The following HERPUD2 variants were observed in gnomAD, a reference collection of about 807,000 sequenced individuals.
The protein encoded by HERPUD2 is HERPUD family member 2.
Under a neutral mutation model 49.9 loss-of-function variants are expected in HERPUD2, and 13 were observed. The ratio of observed to expected loss-of-function variants is 0.26; its 90% confidence interval spans 0.17 to 0.41. The LOEUF is 0.41. Among genes scored for constraint, HERPUD2 ranks in the 10% least tolerant of loss-of-function variants. The pLI is 1.00. For missense variants in HERPUD2, 449 were observed against 492.2 expected, an observed-to-expected ratio of 0.91 and a Z score of 0.83; for synonymous variants, 172 against 171.4, an observed-to-expected ratio of 1.00 and a Z score of -0.03.
At chr7:35,685,979 A>G (rs1786033287) in intron 2 of HERPUD2, among the ~76,000 whole-genome samples, 1 of 151,956 alleles carries the variant, frequency 6.6e-6, no homozygotes, top group African/African-American at 2.4e-5. Flanking sequence ...TAAATAAATA[A>G]ATAAATAAAT....
chr7:35,633,727 G>A lies in HERPUD2; in HGVS notation c.1184C>T (p.Ser395Leu). Residue 395 changes from serine (S) to leucine (L), a missense_variant, in exon 9 of 9, where the codon TCA (serine) becomes TTA (leucine). Ser to Leu is a moderately radical substitution (Grantham distance 145). Transcript: ENST00000311350. ...AWSFITTFFT[S>L]LIPEGPPQVA... is the part of the protein sequence containing the mutation. ...CTGGGGAGGCCCCTCTGGTATTAGT[G>A]AAGTAAAGAAGGTGGTGATGAAAGA... The A allele has an allele frequency of 6.2e-7, 1 of 1,613,890 alleles. No individual in the cohort carries two copies. The highest frequency in any genetic ancestry group is 8.5e-7 in the Non-Finnish European group (1 of 1,179,876).
At chr7:35,675,670 A>T (rs945591063) in intron 2 of HERPUD2, among the ~76,000 whole-genome samples, 3 of 152,232 alleles carry the variant, frequency 2.0e-5, no homozygotes, top group Non-Finnish European at 4.4e-5. Context: ...AGAACTCTCA[A>T]GTACCCAGCT....
rs943567294 is a variant in HERPUD2, at chr7:35,689,302, A to G, written c.147+4882T>C. 3.4e-4 allele frequency among the ~76,000 whole-genome samples: 51 copies of G among 152,198 alleles called. 2 individuals are homozygous for G. On this transcript the variant is annotated intron_variant, in intron 2 of 8. Transcript: ENST00000311350. ...TTCGATAGTACCCTTTGTTCAAAAG[A>G]GGTTTTAAAATCTTGAACTATATTC... is the stretch of plus-strand genomic sequence containing the variant.
At chr7:35,684,982 T>A (rs112595319) in intron 2 of HERPUD2, among the ~76,000 whole-genome samples, 12 of 152,282 alleles carry the variant, frequency 7.9e-5, no homozygotes, top group African/African-American at 2.9e-4. Context: ...TTCTCACACC[T>A]GTAATCCCAG....
intron 3 of HERPUD2, 44 bp from the exon 4 acceptor site, chr7:35,670,372 T>C: frequency 1.1e-6 from 1 of 929,470 alleles, no homozygotes; most frequent in Non-Finnish European, 1.6e-6. Context: ...TACTACAAAA[T>C]GTACAGTTCA....
intron 5 of HERPUD2, among the ~76,000 whole-genome samples, chr7:35,643,728 A>T (rs1165388717): frequency 6.6e-6 from 1 of 151,610 alleles, no homozygotes; most frequent in Non-Finnish European, 1.5e-5. Flanking sequence ...GAGTGAAGAA[A>T]ATGAAAATAA....
intron 2 of HERPUD2, among the ~76,000 whole-genome samples, chr7:35,692,225 T>G (rs1344099523): frequency 6.6e-6 from 1 of 152,202 alleles, no homozygotes; most frequent in Non-Finnish European, 1.5e-5. Context: ...TAGTGATCAG[T>G]GCTGCACAGG....
At chr7:35,660,719 G>A (rs1693454907) in intron 5 of HERPUD2, among the ~76,000 whole-genome samples, 2 of 152,164 alleles carry the variant, frequency 1.3e-5, no homozygotes, top group African/African-American at 4.8e-5. Flanking sequence ...ACTTGTTGAT[G>A]GGGTTGTTGG....
intron 2 of HERPUD2, among the ~76,000 whole-genome samples, chr7:35,688,321 T>G (rs894199477): frequency 6.6e-6 from 1 of 152,188 alleles, no homozygotes; most frequent in African/African-American, 2.4e-5. Context: ...CCTTATCTCC[T>G]TGCAGTAACA....
Position 35,638,381 on chromosome 7 carries a change from G to A in HERPUD2, c.586C>T (p.Gln196Ter). 1.2e-6 allele frequency: 2 copies of A among 1,613,568 alleles called. No homozygotes were observed. Among genetic ancestry groups the A allele is most frequent in the Non-Finnish European group, 1.7e-6 (2 of 1,179,568 alleles). ...ATATAATACTGATGAGCATACATCTGTTGCCACCATAGCATCTGCAGTGGG... is the reference window on the plus strand; with the variant it reads ...ATATAATACTGATGAGCATACATCTATTGCCACCATAGCATCTGCAGTGGG... ...FSPLQMLWWQ[Q>*]MYAHQYYMQY... The change falls in exon 6 of 9, where the codon CAG (glutamine) becomes TAG (stop). Residue 196 changes from glutamine (Q) to a stop codon, truncating the protein, a stop_gained. Coordinates refer to ENST00000311350, the MANE Select transcript of HERPUD2 (RefSeq NM_022373.5). LOFTEE classifies it high-confidence loss of function.
chr7:35,684,144 T>C (rs2116028711), intron 2 of HERPUD2, among the ~76,000 whole-genome samples: 1 of 152,274 alleles, frequency 6.6e-6, no homozygotes, highest in African/African-American at 2.4e-5. Context: ...CCCAGCACTT[T>C]GGGAGGCCGA....
chr7:35,651,485 T>C lies in HERPUD2; in HGVS notation c.495-13013A>G, dbSNP rs971638684. ...AATCAAACACTACTGACACTGTTCCTGACAAAATTCATACAGAGACTACAC... is the reference window on the plus strand; with the variant it reads ...AATCAAACACTACTGACACTGTTCCCGACAAAATTCATACAGAGACTACAC... On this transcript the variant is annotated intron_variant, in intron 5 of 8. Coordinates refer to ENST00000311350, the MANE Select transcript of HERPUD2 (RefSeq NM_022373.5). Among the ~76,000 whole-genome samples, 9 of 152,068 alleles carry C rather than the reference T, an allele frequency of 5.9e-5. No individual in the cohort carries two copies. In the Middle Eastern group the frequency reaches 0.01, roughly 172 times the overall value.
rs532287432 is a variant in HERPUD2, at chr7:35,667,602, T to A, written c.340-14A>T. The A allele has an allele frequency of 1.3e-6, 2 of 1,583,552 alleles. No homozygotes were observed. Among genetic ancestry groups the A allele is most frequent in the African/African-American group, 2.7e-5 (2 of 74,424 alleles). ...ATGATCTGAACTCTACAAATAAAAA[T>A]GTAATTTTTAAAAGGAGATTTAGTT... On this transcript the variant is annotated splice_polypyrimidine_tract_variant and intron_variant, in intron 4 of 8. Transcript: ENST00000311350.
At chr7:35,689,769 G>A (rs1201217521) in intron 2 of HERPUD2, among the ~76,000 whole-genome samples, 1 of 152,170 alleles carries the variant, frequency 6.6e-6, no homozygotes, top group East Asian at 1.9e-4. Flanking sequence ...CAAAGACAGA[G>A]GAAATCTGCC....
At chr7:35,685,991 AC>A in intron 2 of HERPUD2, among the ~76,000 whole-genome samples, 1 of 152,042 alleles carries the variant, frequency 6.6e-6, no homozygotes, top group Non-Finnish European at 1.5e-5. Context: ...TAAATAAATA[AC>A]TTAAATATCA....
Position 35,694,490 on chromosome 7 carries a change from C to T in HERPUD2, c.-160G>A. On this transcript the variant is annotated 5_prime_UTR_variant, in exon 2 of 9. Coordinates refer to ENST00000311350, the MANE Select transcript of HERPUD2 (RefSeq NM_022373.5). ...GCACTGGAGGATACGAAGCCCATTG[C>T]CGGTACCAAGGATGGACTGAGGTGG... The T allele has an allele frequency of 1.4e-6, 1 of 719,398 alleles. No individual in the cohort carries two copies. The highest frequency in any genetic ancestry group is 2.3e-6 in the Non-Finnish European group (1 of 435,734). The allele number at this position is 719,398 out of a possible 1,614,324, so 44.6% of individuals were successfully genotyped here. A position where few individuals can be genotyped will look rare whatever the true frequency, so the allele number is the denominator to read the frequency against.
intron 2 of HERPUD2, among the ~76,000 whole-genome samples, chr7:35,688,650 T>C (rs1197609693): frequency 1.3e-5 from 2 of 152,260 alleles, no homozygotes; most frequent in Admixed American, 6.5e-5. Context: ...AGTAAGGCTG[T>C]TATCCATTTA....
At chr7:35,667,307 AAAATC>A (rs1785556666) in intron 5 of HERPUD2, 122 bp downstream of exon 5, 1 of 891,006 alleles carries the variant, frequency 1.1e-6, no homozygotes, top group African/African-American at 1.7e-5. Flanking sequence ...CTCAAAATAC[AAAATC>A]AAATATATGA....
intron 2 of HERPUD2, among the ~76,000 whole-genome samples, chr7:35,685,756 T>G (rs1305584101): frequency 1.3e-5 from 2 of 151,938 alleles, no homozygotes; most frequent in African/African-American, 4.8e-5. Context: ...GCTGGGAGGA[T>G]CACTTGAGGT....
Sources: allele counts gnomAD v4.1 joint callset (sites outside exome capture counted in the v4.1 genomes callset), GRCh38; gene constraint gnomAD v4.1.1; transcripts MANE v1.5; gene names NCBI Gene and HGNC (gene_info 2026-07-23, HGNC 2026-07-21).